GLIS3: variants seen among roughly 807,000 people sequenced by gnomAD.
GLIS3 encodes the protein GLIS family zinc finger 3, also known as zinc finger protein GLIS3.
Under a neutral mutation model 78.6 loss-of-function variants are expected in GLIS3, and 53 were observed. The ratio of observed to expected loss-of-function variants is 0.67; its 90% CI spans 0.54 to 0.85. GLIS3 has a LOEUF of 0.85. Ranked by LOEUF, GLIS3 falls within the 40% of genes least tolerant of loss-of-function variation. The probability of loss-of-function intolerance (pLI) is 0.00; values close to 1 mark genes in which losing one functional copy is unlikely to be tolerated. For missense variants in GLIS3, 1,703 were observed against 1,231.1 expected (o/e 1.38, Z -5.74); for synonymous variants, 684 against 509.9 (o/e 1.34, Z -4.60).
At position 4,286,341 on chromosome 9, in the gene GLIS3, G is replaced by C. The variant is rs1827998609; in HGVS notation, c.85C>G (p.Pro29Ala). 6.2e-7 allele frequency: 1 copy of C among 1,614,096 alleles called. No homozygotes were observed. The change falls in exon 2 of 11, where the codon CCT becomes GCT. Residue 29 changes from proline (P) to alanine (A), a missense_variant. Physicochemically the swap from Pro to Ala is conservative, Grantham distance 27. Transcript: ENST00000381971. Reference sequence around the variant, plus strand: ...GTCCCGGAGTGGGCTCGGATGGCAGGAATGTGATGACCACTGACCATCCTA... The same window carrying C: ...GTCCCGGAGTGGGCTCGGATGGCAGCAATGTGATGACCACTGACCATCCTA... ...GPRMVSGHHI[P>A]AIRAHSGTPG...
At chr9:4,421,586 A>T in the GLIS3 span, among the ~76,000 whole-genome samples, 3 of 152,284 alleles carry the variant, frequency 2.0e-5, no homozygotes, top group Admixed American at 2.0e-4. Context: ...AATAAAAAGG[A>T]CCTCACCCAA....
At chr9:4,253,063 G>A (rs943944245) in intron 2 of GLIS3, among the ~76,000 whole-genome samples, 9 of 152,232 alleles carry the variant, frequency 5.9e-5, no homozygotes, top group Non-Finnish European at 1.3e-4. Context: ...CTGATGGGAG[G>A]TGTCTCACGA....
At chr9:4,088,961 G>A (rs972223136) in intron 4 of GLIS3, among the ~76,000 whole-genome samples, 7 of 152,238 alleles carry the variant, frequency 4.6e-5, no homozygotes, top group African/African-American at 1.7e-4. Context: ...CTCCTCAGAT[G>A]GAGTTACCAA....
At chr9:4,217,445 G>A (rs1053240508) in intron 2 of GLIS3, among the ~76,000 whole-genome samples, 2 of 152,124 alleles carry the variant, frequency 1.3e-5, no homozygotes, top group African/African-American at 4.8e-5. Context: ...GGGACATCAT[G>A]GGCAGACATT....
At chr9:3,958,778 T>C (rs1474730546) in intron 4 of GLIS3, among the ~76,000 whole-genome samples, 2 of 152,206 alleles carry the variant, frequency 1.3e-5, no homozygotes, top group African/African-American at 2.4e-5. Flanking sequence ...TGGGATACTA[T>C]ACAGGTGGGT....
intron 2 of GLIS3, among the ~76,000 whole-genome samples, chr9:4,333,587 G>A (rs866952801): frequency 6.6e-6 from 1 of 152,124 alleles, no homozygotes; most frequent in Non-Finnish European, 1.5e-5. Context: ...TGAAACAATA[G>A]TTCAGAAAAG....
chr9:4,208,606 C>A (rs1820087409), intron 2 of GLIS3, among the ~76,000 whole-genome samples: 1 of 152,186 alleles, frequency 6.6e-6, no homozygotes, highest in Admixed American at 6.5e-5. Flanking sequence ...TAACCATGTC[C>A]TGTGCTCTCT....
At chr9:4,408,967 C>G in the GLIS3 span, among the ~76,000 whole-genome samples, 1 of 151,702 alleles carries the variant, frequency 6.6e-6, no homozygotes, top group Non-Finnish European at 1.5e-5. Context: ...CATACATACA[C>G]CCACTATGTA....
At chr9:3,926,840 G>A (rs1388196560) in intron 6 of GLIS3, among the ~76,000 whole-genome samples, 1 of 151,258 alleles carries the variant, frequency 6.6e-6, no homozygotes, top group Non-Finnish European at 1.5e-5. Context: ...GGCCAGGCTG[G>A]TCTTGAGCTC....
At chr9:4,045,476 G>A (rs1474064767) in intron 4 of GLIS3, among the ~76,000 whole-genome samples, 1 of 151,300 alleles carries the variant, frequency 6.6e-6, no homozygotes, top group African/African-American at 2.4e-5. Context: ...GCTGGGATTA[G>A]AGGCACACAC....
At chr9:4,050,868 G>T (rs958101737) in intron 4 of GLIS3, among the ~76,000 whole-genome samples, 2 of 152,316 alleles carry the variant, frequency 1.3e-5, no homozygotes, top group East Asian at 3.9e-4. Flanking sequence ...GATAAAAAGT[G>T]TAAGCCTTCA....
At chr9:4,459,979 A>T in the GLIS3 span, among the ~76,000 whole-genome samples, 1 of 152,096 alleles carries the variant, frequency 6.6e-6, no homozygotes, top group African/African-American at 2.4e-5. Context: ...GAGCTGTTTC[A>T]GTAGAATAAT....
At chr9:4,422,610 G>A in the GLIS3 span, among the ~76,000 whole-genome samples, 2 of 152,132 alleles carry the variant, frequency 1.3e-5, no homozygotes, top group African/African-American at 2.4e-5. Context: ...ATGAGCACTG[G>A]GGACACAACA....
chr9:4,403,472 T>C, the GLIS3 span, among the ~76,000 whole-genome samples: 956 of 152,272 alleles, frequency 6.3e-3, 7 homozygotes, highest in Non-Finnish European at 9.6e-3. Context: ...AAAGACTAAA[T>C]GATGAACCAC....
At chr9:4,081,399 A>C (rs1021758463) in intron 4 of GLIS3, 1 of 152,138 alleles carries the variant, frequency 6.6e-6, no homozygotes, top group Admixed American at 6.6e-5. Context: ...TTGCACCTAC[A>C]TTTGGCCATG....
chr9:4,360,908 CAG>C, the GLIS3 span, among the ~76,000 whole-genome samples: 3 of 152,184 alleles, frequency 2.0e-5, no homozygotes, highest in Middle Eastern at 3.2e-3. Flanking sequence ...CAAGAGGAAA[CAG>C]AGGAATATCT....
chr9:3,871,540 G>T (rs1254361615), intron 8 of GLIS3, among the ~76,000 whole-genome samples: 2 of 152,172 alleles, frequency 1.3e-5, no homozygotes, highest in African/African-American at 4.8e-5. Context: ...CTCAGTTCTT[G>T]ACTTCTGTGT....
chr9:4,336,005 C>G (rs1260456796), intron 2 of GLIS3, among the ~76,000 whole-genome samples: 3 of 152,150 alleles, frequency 2.0e-5, no homozygotes, highest in Admixed American at 6.5e-5. Context: ...AGTTAGAAAA[C>G]CTGAGTTTGG....
chr9:4,273,387 G>A (rs1237607376), intron 2 of GLIS3, among the ~76,000 whole-genome samples: 3 of 151,994 alleles, frequency 2.0e-5, no homozygotes, highest in Non-Finnish European at 4.4e-5. Flanking sequence ...TTAAGCCCAG[G>A]AATTCCAGAC....
Sources: gnomAD v4.1 joint callset for allele counts (sites outside exome capture counted in the v4.1 genomes callset) on GRCh38, gnomAD v4.1.1 for gene constraint, MANE v1.5 for transcripts, NCBI Gene and HGNC (gene_info 2026-07-23, HGNC 2026-07-21) for gene names.